The following FTCDNL1 variants were observed in gnomAD, a reference collection of about 807,000 sequenced individuals.
FTCDNL1 encodes the protein formiminotransferase cyclodeaminase N-terminal like.
In FTCDNL1, 11 loss-of-function variants were observed where a neutral mutation model predicts 5.9. The ratio of observed to expected loss-of-function variants is 1.87; its 90% CI spans 1.18 to 3.10. FTCDNL1 has a LOEUF of 3.10. Among genes scored for constraint, FTCDNL1 ranks in the 30% most tolerant of loss-of-function variants. The pLI, the probability that FTCDNL1 is intolerant of heterozygous loss-of-function variation, is 0.00. For synonymous variants in FTCDNL1, 58 were observed against 24.8 expected (o/e 2.34, Z -3.99); for missense variants, 115 against 65.5 (o/e 1.76, Z -2.61).
At chr2:199,763,440 T>C (rs1698365082) in intron 3 of FTCDNL1, among the ~76,000 whole-genome samples, 1 of 152,242 alleles carries the variant, frequency 6.6e-6, no homozygotes, top group Non-Finnish European at 1.5e-5. Flanking sequence ...AATATTTTTA[T>C]GTAGCCCCCA....
At chr2:199,824,015 A>G (rs1242140237) in intron 3 of FTCDNL1, among the ~76,000 whole-genome samples, 2 of 152,166 alleles carry the variant, frequency 1.3e-5, no homozygotes, top group African/African-American at 4.8e-5. Context: ...GGGTCTCACT[A>G]TATTGCCCAG....
intron 3 of FTCDNL1, among the ~76,000 whole-genome samples, chr2:199,765,719 T>C (rs935105386): frequency 6.6e-6 from 1 of 151,446 alleles, no homozygotes; most frequent in Non-Finnish European, 1.5e-5. Context: ...TTTTTTGTAT[T>C]TTTGGTAGAG....
rs1702761530 is a variant in FTCDNL1, at chr2:199,836,621, A to G, written c.211+9454T>C. Among the ~76,000 whole-genome samples, 3 of 152,094 alleles carry G rather than the reference A, an allele frequency of 2.0e-5. No homozygotes were observed. In the South Asian group the frequency reaches 6.2e-4, roughly 31 times the overall value. On this transcript the variant is annotated intron_variant, in intron 3 of 4. Transcript: ENST00000420128. ...CATCCTACAAAAAATACAAAAATTAACCAGGCATGGTGGTACATGCTGTAG... is the reference window on the plus strand; with the variant it reads ...CATCCTACAAAAAATACAAAAATTAGCCAGGCATGGTGGTACATGCTGTAG...
At chr2:199,819,415 C>T in intron 4 of FTCDNL1, 157 bp downstream of exon 4, 4 of 603,780 alleles carry the variant, frequency 6.6e-6, no homozygotes, top group Middle Eastern at 4.1e-4. Context: ...CTTAAAAGGG[C>T]CTGGGTGAGA....
At chr2:199,842,075 A>T (rs904690824) in intron 3 of FTCDNL1, among the ~76,000 whole-genome samples, 1 of 151,706 alleles carries the variant, frequency 6.6e-6, no homozygotes, top group Non-Finnish European at 1.5e-5. Flanking sequence ...CCTGGCTAAC[A>T]TGGCAAAACC....
the FTCDNL1 span, among the ~76,000 whole-genome samples, chr2:199,672,089 C>T: frequency 6.6e-6 from 1 of 152,136 alleles, no homozygotes; most frequent in Non-Finnish European, 1.5e-5. Context: ...TGGAAGACTA[C>T]ACTCTGTTTG....
chr2:199,821,467 T>C (rs1035421140), intron 3 of FTCDNL1, among the ~76,000 whole-genome samples: 2 of 148,788 alleles, frequency 1.3e-5, no homozygotes, highest in Non-Finnish European at 3.0e-5. Flanking sequence ...CCTGGTTTTT[T>C]GTTTGTTTGT....
chr2:199,764,881 C>T (rs1698439210), intron 3 of FTCDNL1, among the ~76,000 whole-genome samples: 1 of 152,178 alleles, frequency 6.6e-6, no homozygotes. Context: ...CTCCCCCTGA[C>T]CCAGGCATTC....
At chr2:199,703,183 C>A in the FTCDNL1 span, among the ~76,000 whole-genome samples, 2 of 151,928 alleles carry the variant, frequency 1.3e-5, no homozygotes, top group Non-Finnish European at 2.9e-5. Context: ...TTAGGTATAT[C>A]TCCTAATGCT....
downstream of FTCDNL1, among the ~76,000 whole-genome samples, chr2:199,806,238 C>T (rs1200348409): frequency 2.0e-5 from 3 of 152,120 alleles, no homozygotes; most frequent in Non-Finnish European, 4.4e-5. Context: ...AGGCCATGTG[C>T]AGGCTCGCTT....
At chr2:199,696,707 T>C in the FTCDNL1 span, among the ~76,000 whole-genome samples, 1 of 151,838 alleles carries the variant, frequency 6.6e-6, no homozygotes, top group East Asian at 1.9e-4. Context: ...CAGATGAGAA[T>C]GAACTAGTGC....
At chr2:199,751,931 T>C in the FTCDNL1 span, among the ~76,000 whole-genome samples, 17 of 152,202 alleles carry the variant, frequency 1.1e-4, no homozygotes, top group Middle Eastern at 6.8e-3. Flanking sequence ...GGACATTTCA[T>C]AGCTTCTAAG....
chr2:199,674,279 C>A, the FTCDNL1 span, among the ~76,000 whole-genome samples: 3 of 152,076 alleles, frequency 2.0e-5, no homozygotes, highest in African/African-American at 7.2e-5. Flanking sequence ...GCCATGACAG[C>A]TCAAGTGAGA....
chr2:199,755,294 AC>A, the FTCDNL1 span, among the ~76,000 whole-genome samples: 1 of 152,132 alleles, frequency 6.6e-6, no homozygotes, highest in Non-Finnish European at 1.5e-5. Flanking sequence ...ATTGACAGGG[AC>A]CTCACTATTA....
chr2:199,796,767 A>T (rs956087051), intron 3 of FTCDNL1, among the ~76,000 whole-genome samples: 2 of 145,228 alleles, frequency 1.4e-5, no homozygotes, highest in African/African-American at 5.1e-5. Context: ...TAGTATCCTT[A>T]AAAAAAAAAA....
intron 3 of FTCDNL1, among the ~76,000 whole-genome samples, chr2:199,792,115 A>C (rs1699961174): frequency 6.6e-6 from 1 of 150,806 alleles, no homozygotes; most frequent in South Asian, 2.1e-4. Context: ...AATTTTGTTG[A>C]AAAGAAAAAG....
chr2:199,788,490 TA>T (rs1343036836), intron 3 of FTCDNL1, among the ~76,000 whole-genome samples: 1 of 151,990 alleles, frequency 6.6e-6, no homozygotes, highest in African/African-American at 2.4e-5. Context: ...ATCCCGAGAA[TA>T]AAATAGAAAG....
intron 3 of FTCDNL1, among the ~76,000 whole-genome samples, chr2:199,772,155 T>C (rs1698844694): frequency 6.6e-6 from 1 of 152,198 alleles, no homozygotes; most frequent in African/African-American, 2.4e-5. Context: ...GCATGTGGCA[T>C]AGACAGTGTG....
chr2:199,844,453 C>A, intron 3 of FTCDNL1: 1 of 665,886 alleles, frequency 1.5e-6, no homozygotes, highest in East Asian at 2.8e-5. Context: ...CCACTGCTCC[C>A]AGGCAAGGGT....
Sources: gnomAD v4.1 joint callset for allele counts (sites outside exome capture counted in the v4.1 genomes callset) on GRCh38, gnomAD v4.1.1 for gene constraint, MANE v1.5 for transcripts, NCBI Gene and HGNC (gene_info 2026-07-23, HGNC 2026-07-21) for gene names.